CTNNA2: variants seen among roughly 807,000 people sequenced by gnomAD.
CTNNA2 encodes the protein catenin alpha-2.
CTNNA2 carries 42 observed loss-of-function variants against 101.0 expected under a neutral mutation model. That is an observed-to-expected ratio of 0.42 (90% CI 0.32 to 0.54). The LOEUF is 0.54. CTNNA2 is among the 20% of genes least tolerant of loss of function. The probability of loss-of-function intolerance (pLI) is 0.14; values close to 1 mark genes in which losing one functional copy is unlikely to be tolerated. For missense variants in CTNNA2, 871 were observed against 1,223.1 expected (o/e 0.71, Z 4.29); for synonymous variants, 450 against 456.4 (o/e 0.99, Z 0.18).
intron 3 of CTNNA2, among the ~76,000 whole-genome samples, chr2:79,772,024 CT>C (rs899176749): frequency 7.0e-6 from 1 of 141,848 alleles, no homozygotes; most frequent in East Asian, 2.3e-4. Context: ...CTCTCCTCTT[CT>C]TTTTTTTTCT....
intron 3 of CTNNA2, among the ~76,000 whole-genome samples, chr2:79,321,320 C>T (rs1676618536): frequency 6.6e-6 from 1 of 152,150 alleles, no homozygotes; most frequent in Non-Finnish European, 1.5e-5. Flanking sequence ...TTACGTAGGG[C>T]ATTGGCTCCA....
intron 7 of CTNNA2, among the ~76,000 whole-genome samples, chr2:80,069,767 T>C (rs1384928427): frequency 1.3e-5 from 2 of 152,154 alleles, no homozygotes; most frequent in African/African-American, 4.8e-5. Flanking sequence ...TCAGTGACAG[T>C]CCTCCTTTCT....
At chr2:80,460,191 G>A (rs897034522) in intron 9 of CTNNA2, among the ~76,000 whole-genome samples, 14 of 152,042 alleles carry the variant, frequency 9.2e-5, no homozygotes, top group Non-Finnish European at 1.9e-4. Flanking sequence ...TTGTGCACAG[G>A]TCCTGCTGGA....
chr2:80,389,330 A>T (rs1419777111), intron 7 of CTNNA2, among the ~76,000 whole-genome samples: 1 of 107,418 alleles, frequency 9.3e-6, no homozygotes, highest in Non-Finnish European at 1.9e-5. Context: ...CAGACTTTTA[A>T]AAAAAAATGG....
At chr2:80,540,670 G>A (rs992590517) in intron 9 of CTNNA2, among the ~76,000 whole-genome samples, 14 of 151,840 alleles carry the variant, frequency 9.2e-5, no homozygotes, top group Non-Finnish European at 1.5e-5. Flanking sequence ...TGAGGTTGAG[G>A]TGTTAGCTGG....
At chr2:80,148,729 A>G (rs964814834) in intron 7 of CTNNA2, among the ~76,000 whole-genome samples, 1 of 152,196 alleles carries the variant, frequency 6.6e-6, no homozygotes, top group Non-Finnish European at 1.5e-5. Flanking sequence ...CTTAGGTTCC[A>G]TAAGGAAAAC....
Position 80,303,475 on chromosome 2 carries a change from A to C in CTNNA2, c.1057-89736A>C. The C allele has an allele frequency of 6.2e-7, 1 of 1,614,184 alleles. No homozygotes were observed. On this transcript the variant is annotated intron_variant, in intron 7 of 18. Transcript: ENST00000402739. This position sits in a 1 kb window ranked among gnomAD's most constrained non-coding sequence, Gnocchi z 7.7. Reference sequence around the variant, plus strand: ...GGTTGGAACTCAGCGTGAGTTCCTTAACTCGGCGCAGTTTCTGAAAGGCGT... The same window carrying C: ...GGTTGGAACTCAGCGTGAGTTCCTTCACTCGGCGCAGTTTCTGAAAGGCGT...
At chr2:79,828,089 A>G (rs532790115) in intron 3 of CTNNA2, among the ~76,000 whole-genome samples, 1 of 152,342 alleles carries the variant, frequency 6.6e-6, no homozygotes, top group African/African-American at 2.4e-5. Flanking sequence ...TATAAGCAAT[A>G]ACTTACATAT....
At chr2:80,573,599 T>G (rs971138635) in intron 12 of CTNNA2, among the ~76,000 whole-genome samples, 4 of 152,152 alleles carry the variant, frequency 2.6e-5, no homozygotes, top group Non-Finnish European at 5.9e-5. Flanking sequence ...TTGTATCATT[T>G]CATCCACATT....
At chr2:80,228,760 T>C (rs1322907174) in intron 7 of CTNNA2, among the ~76,000 whole-genome samples, 1 of 152,140 alleles carries the variant, frequency 6.6e-6, no homozygotes, top group Non-Finnish European at 1.5e-5. Context: ...TAAGACAAAA[T>C]AGAGGGGTAA....
At chr2:80,323,884 A>G (rs1025409817) in intron 7 of CTNNA2, among the ~76,000 whole-genome samples, 2 of 152,174 alleles carry the variant, frequency 1.3e-5, no homozygotes, top group African/African-American at 2.4e-5. Flanking sequence ...TCTAGAGTTC[A>G]GTATGAAAAA....
chr2:79,243,786 G>C (rs893598870), intron 2 of CTNNA2, among the ~76,000 whole-genome samples: 2 of 152,228 alleles, frequency 1.3e-5, no homozygotes, highest in South Asian at 4.2e-4. Context: ...AAGGGAGAAG[G>C]GGTAAGGAAT....
Position 80,604,060 on chromosome 2 carries a change from A to C in CTNNA2, c.2190-14A>C. 6.2e-7 allele frequency: 1 copy of C among 1,603,584 alleles called. No individual in the cohort carries two copies. The highest frequency in any genetic ancestry group is 8.5e-7 in the Non-Finnish European group (1 of 1,171,202). ...TTAAGTGGATTTCTAATTATGTTGTATATGTTGTTTCAGAGGCAAAGGCCC... is the reference window on the plus strand; with the variant it reads ...TTAAGTGGATTTCTAATTATGTTGTCTATGTTGTTTCAGAGGCAAAGGCCC... On this transcript the variant is annotated splice_polypyrimidine_tract_variant and intron_variant, in intron 15 of 18. Coordinates refer to ENST00000402739, the MANE Select transcript of CTNNA2 (RefSeq NM_001282597.3).
At chr2:79,792,678 A>G (rs1675377363) in intron 3 of CTNNA2, among the ~76,000 whole-genome samples, 1 of 152,158 alleles carries the variant, frequency 6.6e-6, no homozygotes, top group African/African-American at 2.4e-5. Context: ...GATCACAATT[A>G]TTGTCCTAGA....
At chr2:80,008,338 C>CCCAATTCT (rs2104002001) in intron 7 of CTNNA2, among the ~76,000 whole-genome samples, 1 of 152,308 alleles carries the variant, frequency 6.6e-6, no homozygotes, top group Admixed American at 6.5e-5. Flanking sequence ...GAGAACTGAA[C>CCCAATTCT]CCCTGTGGTG....
At position 79,814,638 on chromosome 2, in the gene CTNNA2, C is replaced by CACACACACACACACACAT. The variant is rs145584853; in HGVS notation, c.299-43374_299-43373insCACACACACACACACATA. On this transcript the variant is annotated intron_variant, in intron 3 of 18. Transcript: ENST00000402739. ...ACACACACACACACACACACACACACATATATATATATATCACAGTTTCTT... is the reference window on the plus strand; with the variant it reads ...ACACACACACACACACACACACACACACACACACACACACACATATATATATATATATCACAGTTTCTT... Among the ~76,000 whole-genome samples the CACACACACACACACACAT allele has an allele frequency of 6.1e-3, 891 of 146,976 alleles. 5 individuals carry two copies. The highest frequency in any genetic ancestry group is 0.022 in the African/African-American group (852 of 39,174).
At chr2:79,544,486 C>A (rs995450710) in intron 1 of CTNNA2, among the ~76,000 whole-genome samples, 1 of 152,092 alleles carries the variant, frequency 6.6e-6, no homozygotes, top group Non-Finnish European at 1.5e-5. Context: ...TATACCAGTT[C>A]CTAGTCTAGG....
intron 7 of CTNNA2, among the ~76,000 whole-genome samples, chr2:80,347,097 A>G (rs929786734): frequency 6.6e-6 from 1 of 152,138 alleles, no homozygotes; most frequent in African/African-American, 2.4e-5. Flanking sequence ...ATTTCCTGCT[A>G]GAGATAAACC....
In CTNNA2 at chr2:80,574,144, C is replaced by T. The variant is rs1202311957; in HGVS notation, c.1742-19C>T. 1 of 1,604,776 alleles carries T rather than the reference C, an allele frequency of 6.2e-7. No homozygotes were observed. The highest frequency in any genetic ancestry group is 1.1e-5 in the South Asian group (1 of 90,562). Reference sequence around the variant, plus strand: ...GAGAGAGAAATTGCCTAATCCTCTGCTTTTTATTTTTAACCCAGTGATGCC... The same window carrying T: ...GAGAGAGAAATTGCCTAATCCTCTGTTTTTTATTTTTAACCCAGTGATGCC... On this transcript the variant is annotated intron_variant, in intron 12 of 18. Transcript: ENST00000402739.
Sources: gnomAD v4.1 joint callset for allele counts (sites outside exome capture counted in the v4.1 genomes callset) on GRCh38, gnomAD v4.1.1 for gene constraint, Gnocchi (gnomAD v3.1) non-coding constraint, MANE v1.5 for transcripts, NCBI Gene and HGNC (gene_info 2026-07-23, HGNC 2026-07-21) for gene names.